SEC14L1: variants seen among roughly 807,000 people sequenced by gnomAD.
SEC14L1 encodes the protein SEC14-like protein 1.
A neutral mutation model predicts 85.3 loss-of-function variants in SEC14L1; 48 were observed. That is an observed-to-expected ratio of 0.56 (90% confidence interval 0.45 to 0.72). The LOEUF (loss-of-function observed/expected upper bound fraction) is 0.72. SEC14L1 is among the 30% of genes least tolerant of loss of function. The pLI, the probability that SEC14L1 is intolerant of heterozygous loss-of-function variation, is 0.00. For synonymous variants in SEC14L1, 391 were observed against 355.5 expected (o/e 1.10, Z -1.12); for missense variants, 682 against 921.4 (o/e 0.74, Z 3.36).
chr17:77,213,689 C>A lies in SEC14L1; in HGVS notation c.2042+197C>A. On this transcript the variant is annotated intron_variant, in intron 16 of 16. Coordinates refer to ENST00000436233, the MANE Select transcript of SEC14L1 (RefSeq NM_001143998.2). The surrounding 1 kb of genome is among the most constrained non-coding windows in gnomAD (Gnocchi z 7.1). ...GTCTGCAGAGGGAGAGTGTCGGAGACAGAGCCGACTGACTGCCTTTGCTTT... is the reference window on the plus strand; with the variant it reads ...GTCTGCAGAGGGAGAGTGTCGGAGAAAGAGCCGACTGACTGCCTTTGCTTT... The A allele has an allele frequency of 1.2e-6, 1 of 856,228 alleles. No individual in the cohort carries two copies. The highest frequency in any genetic ancestry group is 1.9e-6 in the Non-Finnish European group (1 of 525,870). The allele number at this position is 856,228 out of a possible 1,614,324, so 53.0% of individuals were successfully genotyped here. A position where few individuals can be genotyped will look rare whatever the true frequency, so the allele number is the denominator to read the frequency against.
intron 3 of SEC14L1, among the ~76,000 whole-genome samples, chr17:77,155,958 C>G (rs1372060347): frequency 6.6e-6 from 1 of 152,154 alleles, no homozygotes; most frequent in Non-Finnish European, 1.5e-5. Context: ...TTCTGCCTGT[C>G]CTGCAGCCTC....
At chr17:77,140,307 C>T (rs1972940240), upstream of SEC14L1, among the ~76,000 whole-genome samples, 1 of 152,230 alleles carries the variant, frequency 6.6e-6, no homozygotes, top group Non-Finnish European at 1.5e-5. Flanking sequence ...GACACTAGAG[C>T]CGTCTGGATG....
intron 5 of SEC14L1, among the ~76,000 whole-genome samples, chr17:77,191,591 G>A (rs566883880): frequency 7.2e-5 from 11 of 152,008 alleles, no homozygotes; most frequent in East Asian, 1.9e-4. Context: ...CGCCCAGGCC[G>A]GAGTGCAGTG....
Position 77,191,178 on chromosome 17 carries a change from A to G in SEC14L1, c.214-3A>G. ...CCCATTTCTCTTTCTTTTTTTTTTG[A>G]AGATTGCAGGAGTTGATTATGTTTA... On this transcript the variant is annotated splice_region_variant and splice_polypyrimidine_tract_variant and intron_variant, in intron 4 of 16. Coordinates refer to ENST00000436233, the MANE Select transcript of SEC14L1 (RefSeq NM_001143998.2). 1 of 1,599,664 alleles carries G rather than the reference A, an allele frequency of 6.3e-7. No individual in the cohort carries two copies.
At chr17:77,147,360 A>C (rs1046051710) in intron 3 of SEC14L1, among the ~76,000 whole-genome samples, 2 of 150,104 alleles carry the variant, frequency 1.3e-5, no homozygotes, top group Admixed American at 1.3e-4. Flanking sequence ...ATTTGTTTTG[A>C]GGTCAGTACC....
intron 3 of SEC14L1, among the ~76,000 whole-genome samples, chr17:77,125,387 G>C (rs1972418839): frequency 6.6e-6 from 1 of 150,618 alleles, no homozygotes; most frequent in African/African-American, 2.4e-5. Flanking sequence ...GATTCACTCA[G>C]CATTCTAAAA....
At chr17:77,119,307 CA>C (rs11356968) in intron 3 of SEC14L1, among the ~76,000 whole-genome samples, 26,595 of 103,896 alleles carry the variant, frequency 0.26, 2,317 homozygotes, top group Middle Eastern at 0.33. Flanking sequence ...GACTCCATCC[CA>C]AAAAAAAAAA....
chr17:77,166,402 G>T (rs567251034), intron 3 of SEC14L1, among the ~76,000 whole-genome samples: 23 of 152,350 alleles, frequency 1.5e-4, no homozygotes, highest in African/African-American at 5.5e-4. Flanking sequence ...TTTGAAGCCA[G>T]ATCTGCCTCT....
At chr17:77,207,123 C>T (rs1048758515) in intron 13 of SEC14L1, among the ~76,000 whole-genome samples, 1 of 152,206 alleles carries the variant, frequency 6.6e-6, no homozygotes, top group African/African-American at 2.4e-5. Flanking sequence ...TGCTTTGATT[C>T]ACACGGCTTT....
intron 3 of SEC14L1, among the ~76,000 whole-genome samples, chr17:77,126,262 T>C (rs993131925): frequency 1.3e-5 from 2 of 152,264 alleles, no homozygotes; most frequent in Non-Finnish European, 2.9e-5. Flanking sequence ...TGTATCTTGG[T>C]GTCCCCATCT....
At chr17:77,191,729 G>T (rs1249847228) in intron 5 of SEC14L1, among the ~76,000 whole-genome samples, 1 of 151,538 alleles carries the variant, frequency 6.6e-6, no homozygotes, top group Non-Finnish European at 1.5e-5. Context: ...TTTTAGTAAA[G>T]ATGGGGTTTC....
At chr17:77,157,823 GC>G (rs1438958588) in intron 3 of SEC14L1, among the ~76,000 whole-genome samples, 16 of 152,122 alleles carry the variant, frequency 1.1e-4, no homozygotes, top group Admixed American at 2.0e-4. Context: ...ACCATGCCTG[GC>G]CATAACTTTT....
chr17:77,104,107 T>C (rs565777334), intron 3 of SEC14L1, among the ~76,000 whole-genome samples: 1 of 151,364 alleles, frequency 6.6e-6, no homozygotes, highest in African/African-American at 2.4e-5. Flanking sequence ...CAAAGGACTC[T>C]TTTTTGTATT....
chr17:77,166,023 G>A lies in SEC14L1; in HGVS notation c.63+22364G>A, dbSNP rs141117775. 3.7e-3 allele frequency among the ~76,000 whole-genome samples: 564 copies of A among 152,304 alleles called. 7 individuals carry two copies. The highest frequency in any genetic ancestry group is 3.7e-3 in the Non-Finnish European group (249 of 68,022). On this transcript the variant is annotated intron_variant, in intron 3 of 16. Transcript: ENST00000436233. Reference sequence around the variant, plus strand: ...GTTCCTGGACTGTGGGCCTGACAGCGGCTTTACTTCATTGCCAATAGTGTC... The same window carrying A: ...GTTCCTGGACTGTGGGCCTGACAGCAGCTTTACTTCATTGCCAATAGTGTC...
At position 77,213,934 on chromosome 17, in the gene SEC14L1, C is replaced by T. The variant is rs377362452; in HGVS notation, c.2059C>T (p.Leu687=). 6.2e-6 allele frequency: 10 copies of T among 1,613,378 alleles called. No individual in the cohort carries two copies. The highest frequency in any genetic ancestry group is 7.6e-6 in the Non-Finnish European group (9 of 1,179,850). Residue 687 remains leucine (L), a synonymous_variant, in exon 17 of 17, where the codon CTG becomes TTG. Transcript: ENST00000436233. This position sits in a 1 kb window ranked among gnomAD's most constrained non-coding sequence, Gnocchi z 7.1. Reference sequence around the variant, plus strand: ...CCATTACAGAGGTTCCATGACGAGCCTGGAGTCCAGCCACAGCGGCTTCTC... The same window carrying T: ...CCATTACAGAGGTTCCATGACGAGCTTGGAGTCCAGCCACAGCGGCTTCTC... ...SEDFRGSMTS[L]ESSHSGFSQL...
intron 8 of SEC14L1, among the ~76,000 whole-genome samples, chr17:77,196,731 A>T (rs1320237905): frequency 6.6e-6 from 1 of 152,200 alleles, no homozygotes; most frequent in African/African-American, 2.4e-5. Context: ...TAGTGAGCAG[A>T]GCCTGGTATG....
chr17:77,210,713 A>G (rs1161310387), intron 14 of SEC14L1: 2 of 152,146 alleles, frequency 1.3e-5, no homozygotes, highest in Admixed American at 6.6e-5. Flanking sequence ...GTCTGTATTC[A>G]TTTCTTACCG....
intron 3 of SEC14L1, chr17:77,127,737 G>T (rs1972493346): frequency 6.6e-6 from 1 of 152,160 alleles, no homozygotes; most frequent in Non-Finnish European, 1.5e-5. Context: ...TACCTGTGAA[G>T]GCGATTTCAT....
Position 77,215,589 on chromosome 17 carries a change from C to T in SEC14L1, c.*1566C>T. On this transcript the variant is annotated 3_prime_UTR_variant, in exon 17 of 17. Transcript: ENST00000436233. ...TGCCCGGTCGGGTCAGCCCTAGTGG[C>T]TGCCTGCACACTGTAGACGTCCCAG... The T allele has an allele frequency of 3.0e-6, 3 of 987,620 alleles. No individual in the cohort carries two copies. The highest frequency in any genetic ancestry group is 3.6e-6 in the Non-Finnish European group (3 of 830,888). The allele number at this position is 987,620 out of a possible 1,614,324, so 61.2% of individuals were successfully genotyped here.
Sources: allele counts gnomAD v4.1 joint callset (sites outside exome capture counted in the v4.1 genomes callset), GRCh38; gene constraint gnomAD v4.1.1; non-coding constraint Gnocchi (gnomAD v3.1); transcripts MANE v1.5; gene names NCBI Gene and HGNC (gene_info 2026-07-23, HGNC 2026-07-21).